Variants in UQCC6 observed in about 807,000 individuals in gnomAD.
The protein encoded by UQCC6 is ubiquinol-cytochrome c reductase complex assembly factor 6, also known as protein BRAWNIN.
the UQCC6 span, chr12:103,956,479 A>G: frequency 1.6e-6 from 1 of 608,790 alleles, no homozygotes. Context: ...TGTGATCCTA[A>G]TTTCGTTCAA....
the UQCC6 span, chr12:103,951,755 TA>T: frequency 1.7e-6 from 1 of 581,288 alleles, no homozygotes; most frequent in Non-Finnish European, 3.1e-6. Context: ...TACTCAATGA[TA>T]ACTCTTTATT....
the UQCC6 span, among the ~76,000 whole-genome samples, chr12:103,965,345 C>G: frequency 1.3e-5 from 2 of 152,302 alleles, no homozygotes; most frequent in African/African-American, 2.4e-5. Context: ...CGTTAATATT[C>G]TCATATATCC....
the UQCC6 span, chr12:103,955,665 A>T: frequency 9.7e-6 from 4 of 412,446 alleles, no homozygotes; most frequent in African/African-American, 4.2e-5. Context: ...AAAAATTTCT[A>T]AAAAAAGAAA....
chr12:103,957,969 A>G, the UQCC6 span, among the ~76,000 whole-genome samples: 1 of 145,152 alleles, frequency 6.9e-6, no homozygotes, highest in Non-Finnish European at 1.5e-5. Flanking sequence ...TATATATTAT[A>G]TATTTTTAAT....
the UQCC6 span, among the ~76,000 whole-genome samples, chr12:103,961,517 T>C: frequency 6.9e-6 from 1 of 145,900 alleles, no homozygotes; most frequent in Non-Finnish European, 1.5e-5. Flanking sequence ...CTACATTTTT[T>C]ATCTTTAATA....
At chr12:103,961,200 C>CAGAAAAAAGGCTTAT in the UQCC6 span, among the ~76,000 whole-genome samples, 1 of 150,918 alleles carries the variant, frequency 6.6e-6, no homozygotes, top group Non-Finnish European at 1.5e-5. Flanking sequence ...AAATTAAAAA[C>CAGAAAAAAGGCTTAT]AGAAAAAAGG....
the UQCC6 span, among the ~76,000 whole-genome samples, chr12:103,958,810 T>C: frequency 2.6e-5 from 4 of 152,264 alleles, no homozygotes; most frequent in East Asian, 5.8e-4. Context: ...CTGAGTCACA[T>C]ACGGTTACAA....
chr12:103,951,548 A>C, the UQCC6 span: 811 of 1,546,190 alleles, frequency 5.2e-4, 5 homozygotes, highest in African/African-American at 0.01. Flanking sequence ...CTGTTGAGAA[A>C]CTTGAGGTTT....
chr12:103,955,719 G>T, the UQCC6 span: 1 of 455,590 alleles, frequency 2.2e-6, no homozygotes, highest in Non-Finnish European at 4.4e-6. Context: ...TCCAGGCAGA[G>T]TCCAAACAGA....
chr12:103,954,305 C>T, the UQCC6 span, among the ~76,000 whole-genome samples: 1 of 126,518 alleles, frequency 7.9e-6, no homozygotes, highest in Admixed American at 8.8e-5. Context: ...TTTGCATTGC[C>T]TGAGGCTGGG....
At chr12:103,953,135 T>C in the UQCC6 span, among the ~76,000 whole-genome samples, 4 of 152,228 alleles carry the variant, frequency 2.6e-5, no homozygotes, top group South Asian at 4.1e-4. Context: ...TTGCTGAGAA[T>C]AGACCACAGG....
the UQCC6 span, chr12:103,951,714 G>T: frequency 1.3e-6 from 1 of 743,082 alleles, no homozygotes. Context: ...ACTTTAAAGA[G>T]TAAAAAATAA....
chr12:103,960,694 T>G, the UQCC6 span, among the ~76,000 whole-genome samples: 1 of 152,110 alleles, frequency 6.6e-6, no homozygotes, highest in Admixed American at 6.5e-5. Flanking sequence ...AACATTTCAG[T>G]CAATGGACCA....
the UQCC6 span, among the ~76,000 whole-genome samples, chr12:103,959,584 C>A: frequency 2.0e-5 from 3 of 151,418 alleles, no homozygotes; most frequent in African/African-American, 7.3e-5. Context: ...TGGTGGTGTG[C>A]GCCTGTAGTC....
At chr12:103,958,694 A>G in the UQCC6 span, among the ~76,000 whole-genome samples, 137,792 of 152,236 alleles carry the variant, frequency 0.91, 62,427 homozygotes, top group East Asian at 1. Context: ...TCACTTATTG[A>G]TGAACATTTT....
At chr12:103,957,016 T>C in the UQCC6 span, 1 of 452,986 alleles carries the variant, frequency 2.2e-6, no homozygotes, top group South Asian at 2.8e-5. Context: ...AAGGGAGCTC[T>C]TGATCAGCAA....
chr12:103,963,161 C>A, the UQCC6 span, among the ~76,000 whole-genome samples: 1 of 151,744 alleles, frequency 6.6e-6, no homozygotes, highest in Admixed American at 6.6e-5. Context: ...GCAACCTCCA[C>A]CTCCTGGGTT....
At chr12:103,953,686 A>G in the UQCC6 span, 1 of 658,356 alleles carries the variant, frequency 1.5e-6, no homozygotes, top group African/African-American at 1.8e-5. Flanking sequence ...GAGATACCCC[A>G]TTGCCAATGT....
chr12:103,956,442 A>T, the UQCC6 span: 11 of 558,284 alleles, frequency 2.0e-5, no homozygotes, highest in South Asian at 1.1e-4. Context: ...ATGGGATGCC[A>T]TCCAAAGGTT....
Sources: gnomAD v4.1 joint callset for allele counts (sites outside exome capture counted in the v4.1 genomes callset) on GRCh38, gnomAD v4.1.1 for gene constraint, MANE v1.5 for transcripts, NCBI Gene and HGNC (gene_info 2026-07-23, HGNC 2026-07-21) for gene names.